CAPN5: variants seen among roughly 807,000 people sequenced by gnomAD.
The protein encoded by CAPN5 is calpain-5.
CAPN5 carries 54 observed loss-of-function variants against 73.0 expected under a neutral mutation model. That is an observed-to-expected ratio of 0.74 (90% confidence interval 0.59 to 0.93). The LOEUF is 0.93. CAPN5 is among the 40% of genes least tolerant of loss of function. The pLI is 0.00. For missense variants in CAPN5, 785 were observed against 882.9 expected, an observed-to-expected ratio of 0.89 and a Z score of 1.41; for synonymous variants, 335 against 356.9, an observed-to-expected ratio of 0.94 and a Z score of 0.69.
chr11:77,082,296 T>G (rs868961418), intron 1 of CAPN5, among the ~76,000 whole-genome samples: 5 of 151,982 alleles, frequency 3.3e-5, no homozygotes, highest in African/African-American at 7.3e-5. Context: ...GAAGCTCAGG[T>G]GGTCCTGAAC....
At chr11:77,067,789 G>A (rs533010348) in intron 1 of CAPN5, among the ~76,000 whole-genome samples, 2 of 152,080 alleles carry the variant, frequency 1.3e-5, no homozygotes, top group Non-Finnish European at 1.5e-5. Context: ...GGGACCAGAG[G>A]CGAAATAGGA....
chr11:77,115,640 G>A (rs782442420), intron 6 of CAPN5, 52 bp downstream of exon 6: 15 of 1,495,012 alleles, frequency 1.0e-5, no homozygotes, highest in Middle Eastern at 2.4e-4. Flanking sequence ...CTTGGACAAG[G>A]ACGGGTGGGC....
chr11:77,093,361 G>A (rs1019928321), intron 2 of CAPN5, among the ~76,000 whole-genome samples: 47 of 152,224 alleles, frequency 3.1e-4, no homozygotes, highest in Admixed American at 2.2e-3. Context: ...GGGGCGCAGC[G>A]GGTAGGAGGA....
At chr11:77,074,075 G>C (rs1949941335) in intron 1 of CAPN5, among the ~76,000 whole-genome samples, 1 of 152,248 alleles carries the variant, frequency 6.6e-6, no homozygotes, top group South Asian at 2.1e-4. Context: ...TGGTGACTTA[G>C]GGAGCAGATG....
intron 3 of CAPN5, among the ~76,000 whole-genome samples, chr11:77,102,310 G>A (rs1286296454): frequency 3.9e-5 from 6 of 152,148 alleles, no homozygotes; most frequent in African/African-American, 1.4e-4. Context: ...GAGTGAGAGG[G>A]AGGCGGGCGT....
At chr11:77,084,817 T>C (rs1243780076) in intron 1 of CAPN5, 35 bp from the exon 2 acceptor site, 3 of 1,589,760 alleles carry the variant, frequency 1.9e-6, no homozygotes, top group Non-Finnish European at 2.6e-6. Context: ...ACCCAGGGAC[T>C]CTGTGAGTGA....
At chr11:77,122,541 C>CCA in intron 11 of CAPN5, 35 bp from the exon 12 acceptor site, 3 of 1,176,356 alleles carry the variant, frequency 2.6e-6, no homozygotes, top group Non-Finnish European at 2.5e-6. Flanking sequence ...GCCCCCACCC[C>CCA]CACCCTCACC....
At chr11:77,085,441 C>T (rs954472993) in intron 2 of CAPN5, among the ~76,000 whole-genome samples, 1 of 152,112 alleles carries the variant, frequency 6.6e-6, no homozygotes, top group Non-Finnish European at 1.5e-5. Flanking sequence ...TTGTTATCAT[C>T]ATGATTTTGA....
intron 7 of CAPN5, among the ~76,000 whole-genome samples, chr11:77,116,666 T>C (rs1430115832): frequency 2.0e-5 from 3 of 152,168 alleles, no homozygotes; most frequent in South Asian, 4.2e-4. Flanking sequence ...ACCAGCAGTA[T>C]GGTGTGGCCA....
chr11:77,072,128 C>T (rs1949914192), intron 1 of CAPN5, among the ~76,000 whole-genome samples: 1 of 152,242 alleles, frequency 6.6e-6, no homozygotes, highest in Non-Finnish European at 1.5e-5. Context: ...GGGCCAGCCA[C>T]AACCTGGCTG....
intron 3 of CAPN5, among the ~76,000 whole-genome samples, chr11:77,098,254 C>T (rs1270956209): frequency 2.2e-5 from 2 of 89,854 alleles, no homozygotes; most frequent in African/African-American, 5.2e-5. Context: ...CCCTCCCGGA[C>T]GGGGCGTCTG....
chr11:77,097,471 T>G (rs971843079), intron 3 of CAPN5, among the ~76,000 whole-genome samples: 5 of 136,970 alleles, frequency 3.7e-5, no homozygotes, highest in Non-Finnish European at 3.1e-5. Flanking sequence ...CTAGTTTTTT[T>G]TTTTTTTTTT....
chr11:77,089,910 A>G (rs1555036198), intron 2 of CAPN5, among the ~76,000 whole-genome samples: 1 of 151,966 alleles, frequency 6.6e-6, no homozygotes, highest in Non-Finnish European at 1.5e-5. Context: ...CAAACAAAAA[A>G]CCTAGTCTAC....
chr11:77,075,857 A>T (rs1004116734), intron 1 of CAPN5, among the ~76,000 whole-genome samples: 1 of 152,048 alleles, frequency 6.6e-6, no homozygotes, highest in Non-Finnish European at 1.5e-5. Flanking sequence ...CACTACCCCC[A>T]AGATAGCCAA....
intron 3 of CAPN5, among the ~76,000 whole-genome samples, chr11:77,110,906 C>T (rs1349191215): frequency 6.6e-6 from 1 of 152,126 alleles, no homozygotes. Context: ...CTGGTTCCTC[C>T]GCCTGGGTGC....
At chr11:77,076,216 T>C (rs536461747) in intron 1 of CAPN5, among the ~76,000 whole-genome samples, 4 of 152,130 alleles carry the variant, frequency 2.6e-5, no homozygotes, top group Non-Finnish European at 5.9e-5. Flanking sequence ...ACAAAAATTA[T>C]CTGAGACTAG....
At chr11:77,071,303 G>T (rs1216781530) in intron 1 of CAPN5, among the ~76,000 whole-genome samples, 7 of 152,250 alleles carry the variant, frequency 4.6e-5, no homozygotes, top group Admixed American at 4.6e-4. Flanking sequence ...AGAGTTCAGG[G>T]ATGTTTGGAA....
intron 2 of CAPN5, among the ~76,000 whole-genome samples, chr11:77,087,613 C>A (rs1488346611): frequency 1.3e-5 from 2 of 152,154 alleles, no homozygotes; most frequent in Admixed American, 1.3e-4. Context: ...TGACCTTGAA[C>A]AAGTCACTCC....
rs57014785 is a variant in CAPN5, at chr11:77,093,683, G to A, written c.167G>A (p.Gly56Asp). Reference sequence around the variant, plus strand: ...GCTCTCTCCTCGCCTTCTCCGCAGGGCATCTGCGAGGACCCCCGCCTCTTT... The same window carrying A: ...GCTCTCTCCTCGCCTTCTCCGCAGGACATCTGCGAGGACCCCCGCCTCTTT... ...GPAVRWKRPK[G>D]ICEDPRLFVD... The change falls in exon 3 of 13, where the codon GGC becomes GAC. Residue 56 changes from glycine to aspartate, a missense_variant and splice_region_variant. Physicochemically the swap from Gly to Asp is moderately conservative, Grantham distance 94. Coordinates refer to ENST00000648180, the MANE Select transcript of CAPN5 (RefSeq NM_004055.5). The A allele has an allele frequency of 3.1e-3, 4,980 of 1,587,032 alleles. 159 individuals are homozygous for A. The African/African-American group carries it at 0.06, about 19-fold the overall frequency.
Sources: allele counts gnomAD v4.1 joint callset (sites outside exome capture counted in the v4.1 genomes callset), GRCh38; gene constraint gnomAD v4.1.1; transcripts MANE v1.5; gene names NCBI Gene and HGNC (gene_info 2026-07-23, HGNC 2026-07-21).